Variants in TMEM245 observed in about 807,000 individuals in gnomAD.
The protein encoded by TMEM245 is transmembrane protein 245.
Under a neutral mutation model 101.2 loss-of-function variants are expected in TMEM245, and 69 were observed. The observed-to-expected ratio is 0.68, with a 90% CI of 0.56 to 0.83. The LOEUF (loss-of-function observed/expected upper bound fraction) is 0.83. Among genes scored for constraint, TMEM245 ranks in the 40% least tolerant of loss-of-function variants. The pLI, the probability that TMEM245 is intolerant of heterozygous loss-of-function variation, is 0.00. For missense variants in TMEM245, 1,075 were observed against 1,092.8 expected, an observed-to-expected ratio of 0.98 and a Z score of 0.23; for synonymous variants, 537 against 449.8, an observed-to-expected ratio of 1.19 and a Z score of -2.45.
At chr9:109,076,530 T>TA (rs149968007) in intron 8 of TMEM245, among the ~76,000 whole-genome samples, 29 of 151,292 alleles carry the variant, frequency 1.9e-4, no homozygotes, top group African/African-American at 3.4e-4. Context: ...TAAAGTATAA[T>TA]AAAAAAAAAG....
intron 3 of TMEM245, among the ~76,000 whole-genome samples, chr9:109,094,260 T>C (rs985219722): frequency 2.0e-5 from 3 of 152,226 alleles, no homozygotes; most frequent in Non-Finnish European, 4.4e-5. Context: ...TTTAACCTTC[T>C]ATAGCAGACA....
intron 1 of TMEM245, among the ~76,000 whole-genome samples, chr9:109,110,312 C>T (rs372219135): frequency 3.7e-4 from 57 of 152,196 alleles, no homozygotes; most frequent in African/African-American, 1.3e-3. Flanking sequence ...CCTCATAACC[C>T]CACAAAATAA....
chr9:109,116,076 C>A (rs1293352433), intron 1 of TMEM245, among the ~76,000 whole-genome samples: 1 of 152,144 alleles, frequency 6.6e-6, no homozygotes, highest in Non-Finnish European at 1.5e-5. Flanking sequence ...TAATCTAGTG[C>A]CTGGGACATG....
At chr9:109,106,700 C>T in intron 2 of TMEM245, 91 bp from the exon 3 acceptor site, 2 of 854,630 alleles carry the variant, frequency 2.3e-6, no homozygotes, top group South Asian at 4.1e-5. Context: ...ACAGAACAAT[C>T]TGGTATATAT....
rs978148146 is a variant in TMEM245 at position 109,018,566 on chromosome 9, A to C, written c.*1894T>G. The C allele has an allele frequency of 6.6e-6, 1 of 152,232 alleles. No individual in the cohort carries two copies. Among genetic ancestry groups the C allele is most frequent in the African/African-American group, 2.4e-5 (1 of 41,456 alleles). 9.4% of individuals were successfully genotyped at this position (152,232 alleles called of 1,614,324 possible). On this transcript the variant is annotated 3_prime_UTR_variant, in exon 18 of 18. Transcript: ENST00000374586. ...CTACTCCATATAGTCAAAAGATCTC[A>C]TGGTAGCCTTTTCTAAATGAAATTT...
rs1830841832 is a variant in TMEM245, at chr9:109,119,564, G to T, written c.350C>A (p.Thr117Lys). Reference sequence around the variant, plus strand: ...GAGCAGCGCGGCCAGGACGATGGGCGTGTGCGCGCGGTGCAGGCGCTGCAG... The same window carrying T: ...GAGCAGCGCGGCCAGGACGATGGGCTTGTGCGCGCGGTGCAGGCGCTGCAG... ...HWLQRLHRAH[T>K]PIVLAALLLP... Residue 117 changes from threonine (T) to lysine (K), a missense_variant, in exon 1 of 18, where the codon ACG becomes AAG. Coordinates refer to ENST00000374586, the MANE Select transcript of TMEM245 (RefSeq NM_032012.4). 1.9e-6 allele frequency: 3 copies of T among 1,538,938 alleles called. No homozygotes were observed. Among genetic ancestry groups the T allele is most frequent in the African/African-American group, 1.4e-5 (1 of 71,284 alleles).
intron 1 of TMEM245, among the ~76,000 whole-genome samples, chr9:109,112,296 T>A (rs148348270): frequency 0.01 from 1,531 of 152,148 alleles, 10 homozygotes; most frequent in Non-Finnish European, 0.013. Context: ...ATCCTTGCAC[T>A]TTGGGAGGCT....
At chr9:109,096,992 G>C (rs1170384266) in intron 3 of TMEM245, among the ~76,000 whole-genome samples, 2 of 152,154 alleles carry the variant, frequency 1.3e-5, no homozygotes, top group African/African-American at 4.8e-5. Context: ...CTAAGCCCCT[G>C]GTCTCAAATT....
At chr9:109,117,266 C>T (rs1830748479) in intron 1 of TMEM245, among the ~76,000 whole-genome samples, 1 of 149,530 alleles carries the variant, frequency 6.7e-6, no homozygotes, top group Non-Finnish European at 1.5e-5. Flanking sequence ...CCCACCACCA[C>T]ACCCAGCTAA....
chr9:109,059,723 T>A (rs923524612), intron 11 of TMEM245, among the ~76,000 whole-genome samples: 1 of 151,812 alleles, frequency 6.6e-6, no homozygotes, highest in East Asian at 1.9e-4. Flanking sequence ...AAATAAAAGA[T>A]CTCTAAGCGT....
At chr9:109,089,731 A>G (rs1829944474) in intron 5 of TMEM245, among the ~76,000 whole-genome samples, 1 of 152,230 alleles carries the variant, frequency 6.6e-6, no homozygotes. Context: ...GAGAGAATCA[A>G]AACAATAGAG....
intron 14 of TMEM245, among the ~76,000 whole-genome samples, chr9:109,048,852 GAA>G (rs1554720807): frequency 6.6e-6 from 1 of 152,162 alleles, no homozygotes; most frequent in Non-Finnish European, 1.5e-5. Context: ...AAGTCATAAC[GAA>G]AAAGTTTCTG....
At chr9:109,099,871 G>A (rs1830239763) in intron 3 of TMEM245, among the ~76,000 whole-genome samples, 1 of 152,148 alleles carries the variant, frequency 6.6e-6, no homozygotes, top group Non-Finnish European at 1.5e-5. Flanking sequence ...GCCCTCATGG[G>A]TAGGATTAAT....
At chr9:109,089,205 G>A (rs940325108) in intron 5 of TMEM245, among the ~76,000 whole-genome samples, 1 of 150,606 alleles carries the variant, frequency 6.6e-6, no homozygotes, top group Non-Finnish European at 1.5e-5. Context: ...AGGCTGTGGT[G>A]AATGGGTGAC....
intron 8 of TMEM245, among the ~76,000 whole-genome samples, chr9:109,078,757 G>A (rs891752229): frequency 4.6e-5 from 7 of 152,194 alleles, no homozygotes; most frequent in African/African-American, 1.7e-4. Context: ...CTGAAGGTTT[G>A]TTGAACCTCT....
chr9:109,066,354 C>G (rs974712116), intron 9 of TMEM245, among the ~76,000 whole-genome samples: 1 of 148,706 alleles, frequency 6.7e-6, no homozygotes, highest in Non-Finnish European at 1.5e-5. Flanking sequence ...ACTCAGGAGC[C>G]TGAGGCACAG....
Position 109,057,336 on chromosome 9 carries a change from C to G in TMEM245, c.1723-14G>C. 6 of 1,602,186 alleles carry G rather than the reference C, an allele frequency of 3.7e-6. No homozygotes were observed. The highest frequency in any genetic ancestry group is 5.1e-6 in the Non-Finnish European group (6 of 1,173,786). On this transcript the variant is annotated splice_polypyrimidine_tract_variant and intron_variant, in intron 11 of 17. Coordinates refer to ENST00000374586, the MANE Select transcript of TMEM245 (RefSeq NM_032012.4). ...GTGTGTTACATTCTATGGAATAAAA[C>G]AGTGCAGACATGAAATTCCCATCTT...
At chr9:109,061,619 T>C (rs1366719325) in intron 10 of TMEM245, among the ~76,000 whole-genome samples, 1 of 152,160 alleles carries the variant, frequency 6.6e-6, no homozygotes, top group African/African-American at 2.4e-5. Flanking sequence ...CAGGCTGAAG[T>C]GCAGTGGCGC....
At position 109,017,361 on chromosome 9, in the gene TMEM245, C is replaced by G. The variant is rs1827478884; in HGVS notation, c.*3099G>C. The G allele has an allele frequency of 6.6e-6, 1 of 152,246 alleles. No individual in the cohort carries two copies. The highest frequency in any genetic ancestry group is 2.1e-4 in the South Asian group (1 of 4,830). The allele number at this position is 152,246 out of a possible 1,614,324, so 9.4% of individuals were successfully genotyped here. ...TCTTATCAAAGAGGGTGTGAAGAAA[C>G]CTTGCAATTTTAACAATAACTAAGA... On this transcript the variant is annotated 3_prime_UTR_variant, in exon 18 of 18. Coordinates refer to ENST00000374586, the MANE Select transcript of TMEM245 (RefSeq NM_032012.4).
Sources: allele counts gnomAD v4.1 joint callset (sites outside exome capture counted in the v4.1 genomes callset), GRCh38; gene constraint gnomAD v4.1.1; transcripts MANE v1.5; gene names NCBI Gene and HGNC (gene_info 2026-07-23, HGNC 2026-07-21).